ACYP2: variants seen among roughly 807,000 people sequenced by gnomAD.
ACYP2 encodes acylphosphatase-2.
In ACYP2, 12 loss-of-function variants were observed where a neutral mutation model predicts 11.2. The observed-to-expected ratio is 1.08, with a 90% confidence interval of 0.69 to 1.74. The LOEUF is 1.74. Among genes scored for constraint, ACYP2 ranks in the 40% most tolerant of loss-of-function variants. The pLI is 0.00. For missense variants in ACYP2, 134 were observed against 101.9 expected, an observed-to-expected ratio of 1.31 and a Z score of -1.35; for synonymous variants, 43 against 32.2, an observed-to-expected ratio of 1.33 and a Z score of -1.13.
intron 2 of ACYP2, among the ~76,000 whole-genome samples, chr2:54,008,422 T>C (rs943293375): frequency 6.6e-6 from 1 of 152,190 alleles, no homozygotes; most frequent in African/African-American, 2.4e-5. Context: ...GTGCACCTTA[T>C]GGCCAGGAAA....
chr2:54,015,988 A>T (rs1342766950), intron 2 of ACYP2, among the ~76,000 whole-genome samples: 1 of 151,992 alleles, frequency 6.6e-6, no homozygotes, highest in Non-Finnish European at 1.5e-5. Flanking sequence ...AATGTTTCTC[A>T]TTGCTGTCAG....
At chr2:54,055,009 G>A (rs899042205) in intron 3 of ACYP2, among the ~76,000 whole-genome samples, 3 of 152,108 alleles carry the variant, frequency 2.0e-5, no homozygotes, top group Non-Finnish European at 4.4e-5. Flanking sequence ...ATAAAAAAGA[G>A]CTGGCTATGC....
At chr2:54,129,613 G>A (rs1572822943) in intron 4 of ACYP2, among the ~76,000 whole-genome samples, 2 of 149,754 alleles carry the variant, frequency 1.3e-5, no homozygotes, top group East Asian at 3.9e-4. Flanking sequence ...ATATATAATA[G>A]ATATGTACTA....
intron 4 of ACYP2, among the ~76,000 whole-genome samples, chr2:54,112,520 A>G (rs1182416542): frequency 2.6e-5 from 4 of 152,196 alleles, no homozygotes; most frequent in African/African-American, 9.7e-5. Flanking sequence ...AATATGTGGG[A>G]AGGAAGCTAC....
rs1408220112 is a variant in ACYP2 at position 54,047,016 on chromosome 2, A to G, written c.63-3942A>G. On this transcript the variant is annotated intron_variant, in intron 2 of 6. Coordinates refer to ENST00000607452, the MANE Select transcript of ACYP2 (RefSeq NM_001320586.2). ...GCTGTTGTGAAGACTAAAATAAACT[A>G]TATTGCAGTTTTCAGTAGATATTAT... Among the ~76,000 whole-genome samples, 4 of 152,298 alleles carry G rather than the reference A, an allele frequency of 2.6e-5. No homozygotes were observed. The East Asian group carries it at 7.7e-4, about 29-fold the overall frequency.
Position 54,051,494 on chromosome 2 carries a change from C to A in ACYP2, c.155+444C>A, listed in dbSNP as rs182986453. The A allele has an allele frequency of 9.7e-4, 678 of 700,974 alleles. 1 individual carries two copies. Among genetic ancestry groups the A allele is most frequent in the Non-Finnish European group, 1.6e-3 (613 of 384,670 alleles). The allele number at this position is 700,974 out of a possible 1,614,324, so 43.4% of individuals were successfully genotyped here. On this transcript the variant is annotated intron_variant, in intron 3 of 6. Transcript: ENST00000607452. ...GAGGATCCCAGTGCACCCAAGAGGA[C>A]TCCTTTGGGCTTTTTTTCTGTTCTG...
chr2:53,981,992 T>C (rs1390676875), intron 2 of ACYP2, among the ~76,000 whole-genome samples: 1 of 152,232 alleles, frequency 6.6e-6, no homozygotes, highest in Non-Finnish European at 1.5e-5. Context: ...TTCTTCTTTT[T>C]GTCAAGCTAT....
intron 2 of ACYP2, among the ~76,000 whole-genome samples, chr2:54,005,621 C>T (rs562402535): frequency 3.3e-5 from 5 of 152,060 alleles, no homozygotes; most frequent in Non-Finnish European, 7.4e-5. Flanking sequence ...TTACAGGTGT[C>T]AGCCACTGCG....
At chr2:54,183,161 A>T (rs944316919) in intron 6 of ACYP2, among the ~76,000 whole-genome samples, 1 of 152,238 alleles carries the variant, frequency 6.6e-6, no homozygotes, top group Non-Finnish European at 1.5e-5. Flanking sequence ...TAAATCAAAC[A>T]TACAAATCAA....
chr2:54,090,757 C>G (rs905347982), intron 4 of ACYP2, among the ~76,000 whole-genome samples: 6 of 152,178 alleles, frequency 3.9e-5, no homozygotes, highest in African/African-American at 1.4e-4. Flanking sequence ...CCCTATTTTC[C>G]TTTGCAGCTT....
chr2:54,159,348 A>G (rs1285677528), intron 6 of ACYP2, among the ~76,000 whole-genome samples: 1 of 148,306 alleles, frequency 6.7e-6, no homozygotes. Context: ...CAGTGCTTAT[A>G]TTGGATTATG....
At chr2:54,236,389 A>G (rs999658666) in intron 6 of ACYP2, among the ~76,000 whole-genome samples, 2 of 152,212 alleles carry the variant, frequency 1.3e-5, no homozygotes, top group African/African-American at 4.8e-5. Flanking sequence ...CACCTCATAA[A>G]TTTTAAAGAA....
chr2:54,035,674 G>T (rs137865518), intron 2 of ACYP2, among the ~76,000 whole-genome samples: 55 of 152,288 alleles, frequency 3.6e-4, no homozygotes, highest in African/African-American at 1.2e-3. Context: ...ACAAATTTCA[G>T]ACAATTCTAG....
chr2:54,035,009 CAAAA>C (rs550142135), intron 2 of ACYP2, among the ~76,000 whole-genome samples: 209 of 44,766 alleles, frequency 4.7e-3, no homozygotes, highest in East Asian at 9.5e-3. Flanking sequence ...GACTACATCT[CAAAA>C]AAAAAAAAAA....
chr2:54,219,905 A>ATATATATATATATATT (rs1288814375), intron 6 of ACYP2, among the ~76,000 whole-genome samples: 8 of 75,988 alleles, frequency 1.1e-4, no homozygotes, highest in African/African-American at 4.5e-4. Flanking sequence ...ATATATATAT[A>ATATATATATATATATT]TTTTTTTTTT....
rs944781129 is a variant in ACYP2 at position 54,014,723 on chromosome 2, TA to T, written c.63-36225del. On this transcript the variant is annotated intron_variant, in intron 2 of 6. Transcript: ENST00000607452. The stretch of plus-strand genomic sequence containing the variant: ...TGAGCAAACTATAATAATAAATTTG[TA>T]AAAAAAAAATTTTTTTTCTTTTTTG... Among the ~76,000 whole-genome samples the T allele has an allele frequency of 5.1e-4, 75 of 147,236 alleles. 1 individual carries two copies. Among genetic ancestry groups the T allele is most frequent in the East Asian group, 1.0e-3 (5 of 4,996 alleles).
intron 6 of ACYP2, among the ~76,000 whole-genome samples, chr2:54,296,362 C>G (rs927801784): frequency 1.3e-5 from 2 of 152,202 alleles, no homozygotes; most frequent in African/African-American, 4.8e-5. Context: ...AATTAGAATG[C>G]TGTGGAAACT....
At chr2:54,118,765 G>A (rs1361861688) in intron 4 of ACYP2, among the ~76,000 whole-genome samples, 1 of 152,184 alleles carries the variant, frequency 6.6e-6, no homozygotes, top group Non-Finnish European at 1.5e-5. Context: ...CCTATAGTTT[G>A]CAGTATGCTA....
chr2:54,024,645 A>G (rs1193520794), intron 2 of ACYP2, among the ~76,000 whole-genome samples: 1 of 152,206 alleles, frequency 6.6e-6, no homozygotes. Flanking sequence ...TGAGTGGGGA[A>G]AAGTTGAAAG....
Sources: allele counts gnomAD v4.1 joint callset (sites outside exome capture counted in the v4.1 genomes callset), GRCh38; gene constraint gnomAD v4.1.1; transcripts MANE v1.5; gene names NCBI Gene and HGNC (gene_info 2026-07-23, HGNC 2026-07-21).